HADHB: variants seen among roughly 807,000 people sequenced by gnomAD.
The protein encoded by HADHB is trifunctional enzyme subunit beta, mitochondrial.
Under a neutral mutation model 61.9 loss-of-function variants are expected in HADHB, and 50 were observed. The observed-to-expected ratio is 0.81, with a 90% CI of 0.64 to 1.02. The LOEUF (loss-of-function observed/expected upper bound fraction) is 1.02. HADHB is among the 50% of genes least tolerant of loss of function. The pLI is 0.00. For missense variants in HADHB, 504 were observed against 586.5 expected (o/e 0.86, Z 1.45); for synonymous variants, 191 against 201.6 (o/e 0.95, Z 0.45).
At chr2:26,247,217 T>G (rs1671201689) in intron 1 of HADHB, among the ~76,000 whole-genome samples, 1 of 152,216 alleles carries the variant, frequency 6.6e-6, no homozygotes, top group Admixed American at 6.5e-5. Context: ...TACTCAGGCT[T>G]ACCCTAACCA....
chr2:26,287,871 C>A (rs1673101625), intron 15 of HADHB, among the ~76,000 whole-genome samples: 1 of 152,116 alleles, frequency 6.6e-6, no homozygotes, highest in Non-Finnish European at 1.5e-5. Flanking sequence ...CACCTCTGCC[C>A]CAGGTACACA....
At chr2:26,252,679 T>A (rs1323492988) in intron 1 of HADHB, among the ~76,000 whole-genome samples, 1 of 152,258 alleles carries the variant, frequency 6.6e-6, no homozygotes, top group African/African-American at 2.4e-5. Flanking sequence ...TCCTTACCTT[T>A]TACAGCTGCA....
intron 13 of HADHB, among the ~76,000 whole-genome samples, 170 bp downstream of exon 13, chr2:26,284,374 G>C (rs537003773): frequency 2.6e-5 from 4 of 152,220 alleles, no homozygotes; most frequent in Admixed American, 6.5e-5. Flanking sequence ...AGGGAAGCAA[G>C]GGCCACACAT....
chr2:26,282,858 C>T lies in HADHB; in HGVS notation c.947C>T (p.Ser316Phe), dbSNP rs776810946. Residue 316 changes from serine to phenylalanine, a missense_variant, in exon 11 of 16, where the codon TCT becomes TTT. Ser to Phe is a radical substitution (Grantham distance 155). Coordinates refer to ENST00000317799, the MANE Select transcript of HADHB (RefSeq NM_000183.3). ...TTAACATTTCAGACTGATGGTGCAT[C>T]TGCAATGTTAATCATGGCGGAGGAA... is the stretch of plus-strand genomic sequence containing the variant. ...ANSSFLTDGA[S>F]AMLIMAEEKA... 2 of 1,611,552 alleles carry T rather than the reference C, an allele frequency of 1.2e-6. No homozygotes were observed. The highest frequency in any genetic ancestry group is 2.7e-5 in the African/African-American group (2 of 74,878).
intron 4 of HADHB, among the ~76,000 whole-genome samples, chr2:26,264,098 A>G (rs1671970605): frequency 6.6e-6 from 1 of 152,134 alleles, no homozygotes; most frequent in Non-Finnish European, 1.5e-5. Context: ...TGTTCATTCT[A>G]TTCTGTTTAG....
intron 1 of HADHB, among the ~76,000 whole-genome samples, chr2:26,253,788 G>A (rs531711036): frequency 8.6e-5 from 13 of 151,890 alleles, no homozygotes; most frequent in African/African-American, 3.1e-4. Flanking sequence ...GGGAGGCAAA[G>A]ATTGCAGTGA....
At chr2:26,285,361 A>G in intron 14 of HADHB, 46 bp from the exon 15 acceptor site, 1 of 1,555,246 alleles carries the variant, frequency 6.4e-7, no homozygotes. Context: ...CTTGATTCTG[A>G]TCTTAAGTAA....
At chr2:26,277,477 C>G (rs1672578236) in intron 7 of HADHB, among the ~76,000 whole-genome samples, 1 of 152,076 alleles carries the variant, frequency 6.6e-6, no homozygotes, top group South Asian at 2.1e-4. Flanking sequence ...CTCAAGTGAT[C>G]CTTCTACCTC....
chr2:26,268,567 C>T (rs1414426501), intron 4 of HADHB, among the ~76,000 whole-genome samples: 1 of 152,112 alleles, frequency 6.6e-6, no homozygotes, highest in East Asian at 1.9e-4. Flanking sequence ...TACAGTTTAC[C>T]TCTGTGATAT....
intron 1 of HADHB, among the ~76,000 whole-genome samples, chr2:26,250,038 G>A (rs958991680): frequency 9.2e-5 from 14 of 151,958 alleles, no homozygotes; most frequent in African/African-American, 2.4e-4. Flanking sequence ...ATGGAGTCTC[G>A]CTCTGTCGCC....
At chr2:26,275,523 G>A (rs1672504324) in intron 6 of HADHB, among the ~76,000 whole-genome samples, 1 of 152,138 alleles carries the variant, frequency 6.6e-6, no homozygotes, top group Non-Finnish European at 1.5e-5. Flanking sequence ...TAGGGCCAAG[G>A]GCAACACAAA....
In HADHB at chr2:26,277,935, T is replaced by G. The variant is rs61510874; in HGVS notation, c.443-679T>G. Among the ~76,000 whole-genome samples the G allele has an allele frequency of 6.3e-3, 959 of 152,370 alleles. 8 individuals are homozygous for G. Among genetic ancestry groups the G allele is most frequent in the African/African-American group, 0.021 (894 of 41,584 alleles). On this transcript the variant is annotated intron_variant, in intron 7 of 15. Coordinates refer to ENST00000317799, the MANE Select transcript of HADHB (RefSeq NM_000183.3). ...CCTTCACTTTCTCCTTACATCCTTGTCATTTTTATAAATCACTGAAAACCC... is the reference window on the plus strand; with the variant it reads ...CCTTCACTTTCTCCTTACATCCTTGGCATTTTTATAAATCACTGAAAACCC...
At chr2:26,250,268 T>C (rs933906537) in intron 1 of HADHB, among the ~76,000 whole-genome samples, 8 of 152,228 alleles carry the variant, frequency 5.3e-5, no homozygotes, top group Non-Finnish European at 1.2e-4. Context: ...CGTCCCAAAA[T>C]GCTGGGATTA....
intron 4 of HADHB, among the ~76,000 whole-genome samples, chr2:26,266,346 G>A (rs1159948212): frequency 6.6e-6 from 1 of 152,138 alleles, no homozygotes; most frequent in Non-Finnish European, 1.5e-5. Context: ...CATTATTGAT[G>A]TTAGGATTGA....
At chr2:26,266,784 G>A (rs1475057118) in intron 4 of HADHB, among the ~76,000 whole-genome samples, 4 of 143,814 alleles carry the variant, frequency 2.8e-5, no homozygotes, top group Non-Finnish European at 6.0e-5. Flanking sequence ...GGAGGCTGAG[G>A]TGGGAGACTA....
At chr2:26,262,727 A>T (rs559366965) in intron 3 of HADHB, among the ~76,000 whole-genome samples, 71 of 152,348 alleles carry the variant, frequency 4.7e-4, no homozygotes, top group African/African-American at 1.6e-3. Flanking sequence ...AATATCAATC[A>T]TTGCAACTTC....
Position 26,249,613 on chromosome 2 carries a change from T to C in HADHB, c.-9+4623T>C, listed in dbSNP as rs114358189. ...TGGGATTCGGCCAGGACTCTTCTTT[T>C]TCCAGAATTCTCAGCTCCGTACTCT... is the stretch of plus-strand genomic sequence containing the variant. On this transcript the variant is annotated intron_variant, in intron 1 of 15. Transcript: ENST00000317799. Among the ~76,000 whole-genome samples the C allele has an allele frequency of 7.7e-3, 1,168 of 152,050 alleles. 11 individuals are homozygous for C. Among genetic ancestry groups the C allele is most frequent in the Non-Finnish European group, 0.013 (883 of 67,998 alleles).
At chr2:26,247,284 A>C (rs1671204583) in intron 1 of HADHB, among the ~76,000 whole-genome samples, 2 of 152,096 alleles carry the variant, frequency 1.3e-5, no homozygotes, top group Non-Finnish European at 2.9e-5. Context: ...TTTTTACCAA[A>C]ATTTCTGTTT....
In HADHB at chr2:26,273,637, A is replaced by G. The variant is rs775301458; in HGVS notation, c.255-14A>G. The G allele has an allele frequency of 1.4e-6, 2 of 1,452,108 alleles. No individual in the cohort carries two copies. 90.0% of individuals were successfully genotyped at this position (1,452,108 alleles called of 1,614,324 possible). On this transcript the variant is annotated splice_polypyrimidine_tract_variant and intron_variant, in intron 5 of 15. Transcript: ENST00000317799. The stretch of plus-strand genomic sequence containing the variant: ...TGTGTGAAATGTTTCTTTGCTTTGG[A>G]TTTCTACTTCCAGGGGTTTGTTGCA...
Sources: allele counts gnomAD v4.1 joint callset (sites outside exome capture counted in the v4.1 genomes callset), GRCh38; gene constraint gnomAD v4.1.1; transcripts MANE v1.5; gene names NCBI Gene and HGNC (gene_info 2026-07-23, HGNC 2026-07-21).